The following LARP4B variants were observed in gnomAD, a reference collection of about 807,000 sequenced individuals.
The protein encoded by LARP4B is la-related protein 4B.
A neutral mutation model predicts 89.8 loss-of-function variants in LARP4B; 12 were observed. The ratio of observed to expected loss-of-function variants is 0.13; its 90% CI spans 0.09 to 0.22. LARP4B has a LOEUF of 0.22. Ranked by LOEUF, LARP4B falls within the 10% of genes least tolerant of loss-of-function variation. LARP4B has a pLI of 1.00. For synonymous variants in LARP4B, 367 were observed against 363.3 expected (o/e 1.01, Z -0.12); for missense variants, 757 against 947.7 (o/e 0.80, Z 2.64).
intron 1 of LARP4B, among the ~76,000 whole-genome samples, chr10:923,694 A>G (rs955224371): frequency 5.3e-5 from 8 of 152,224 alleles, no homozygotes; most frequent in Admixed American, 3.3e-4. Flanking sequence ...ATATTTTTAA[A>G]AAGAGAATGT....
chr10:832,077 T>G (rs373489752), intron 8 of LARP4B, among the ~76,000 whole-genome samples: 165 of 152,364 alleles, frequency 1.1e-3, no homozygotes, highest in African/African-American at 3.7e-3. Context: ...GGAGTCTCGC[T>G]CTTTCGCCCA....
At chr10:915,583 T>TTG (rs1836795728) in intron 1 of LARP4B, among the ~76,000 whole-genome samples, 7 of 152,272 alleles carry the variant, frequency 4.6e-5, no homozygotes, top group African/African-American at 1.7e-4. Flanking sequence ...GGTGGGTGGA[T>TTG]CACGAGGTCA....
chr10:949,803 C>T, the LARP4B span, among the ~76,000 whole-genome samples: 7 of 152,140 alleles, frequency 4.6e-5, no homozygotes, highest in Admixed American at 1.3e-4. Flanking sequence ...TCTAACTGGA[C>T]TGCACTTTTT....
chr10:920,191 G>A (rs777314409), intron 1 of LARP4B, among the ~76,000 whole-genome samples: 2 of 152,194 alleles, frequency 1.3e-5, no homozygotes, highest in Non-Finnish European at 2.9e-5. Flanking sequence ...ACAGTGCAAC[G>A]GGATGCTGGA....
chr10:973,682 T>C, the LARP4B span, among the ~76,000 whole-genome samples: 1 of 152,186 alleles, frequency 6.6e-6, no homozygotes, highest in Non-Finnish European at 1.5e-5. Flanking sequence ...CCCTGTGCTC[T>C]AGCCACAGCC....
chr10:957,536 T>C, the LARP4B span, among the ~76,000 whole-genome samples: 1 of 152,192 alleles, frequency 6.6e-6, no homozygotes, highest in Non-Finnish European at 1.5e-5. Flanking sequence ...ATGAATTGCT[T>C]ATTTGTCGAT....
At chr10:959,326 G>T in the LARP4B span, among the ~76,000 whole-genome samples, 5 of 147,726 alleles carry the variant, frequency 3.4e-5, no homozygotes, top group African/African-American at 1.0e-4. Context: ...TGCTGGTTCA[G>T]CAATCCCACC....
chr10:822,556 C>T lies in LARP4B; in HGVS notation c.1485-1711G>A, dbSNP rs1832411526. 6.6e-6 allele frequency among the ~76,000 whole-genome samples: 1 copy of T among 152,236 alleles called. No homozygotes were observed. The highest frequency in any genetic ancestry group is 6.5e-5 in the Admixed American group (1 of 15,290). Reference sequence around the variant, plus strand: ...GTAACCCGTGTCAGACCCAGAAGCCCACCTGCAGCCGTAGAACACTGTCAG... The same window carrying T: ...GTAACCCGTGTCAGACCCAGAAGCCTACCTGCAGCCGTAGAACACTGTCAG... On this transcript the variant is annotated intron_variant, in intron 13 of 17. Coordinates refer to ENST00000316157, the MANE Select transcript of LARP4B (RefSeq NM_015155.3). The surrounding 1 kb of genome is among the most constrained non-coding windows in gnomAD (Gnocchi z 4.6).
intron 1 of LARP4B, among the ~76,000 whole-genome samples, chr10:922,170 G>A (rs748584409): frequency 6.6e-6 from 1 of 152,176 alleles, no homozygotes; most frequent in Admixed American, 6.5e-5. Context: ...AGGAGCATGC[G>A]ACCTAGATCC....
chr10:918,023 A>T (rs761336927), intron 1 of LARP4B, among the ~76,000 whole-genome samples: 1 of 152,222 alleles, frequency 6.6e-6, no homozygotes, highest in Non-Finnish European at 1.5e-5. Flanking sequence ...GTTTTCCTAC[A>T]ATTTGGATTG....
chr10:915,289 G>GA (rs1410359639), intron 1 of LARP4B, among the ~76,000 whole-genome samples: 2 of 148,906 alleles, frequency 1.3e-5, no homozygotes, highest in African/African-American at 2.5e-5. Context: ...GTCTCCAGGG[G>GA]AAAAAAAAAT....
At chr10:830,428 A>G (rs946223117) in intron 9 of LARP4B, among the ~76,000 whole-genome samples, 5 of 152,198 alleles carry the variant, frequency 3.3e-5, no homozygotes, top group Admixed American at 2.6e-4. Flanking sequence ...TTCCTCACAA[A>G]TAAGATGCTT....
intron 3 of LARP4B, among the ~76,000 whole-genome samples, chr10:869,823 C>T (rs1055095242): frequency 6.6e-6 from 1 of 151,438 alleles, no homozygotes; most frequent in Non-Finnish European, 1.5e-5. Flanking sequence ...ATCACTTGAA[C>T]TTGGGAGGTG....
rs1327494982 is a variant in LARP4B, at chr10:814,240, G to A, written c.1929+502C>T. ...AAGGCTCCCCCAAGATCAAACTACA[G>A]AGGCCACAACTCAGAGTAAGAGAGG... is the stretch of plus-strand genomic sequence containing the variant. On this transcript the variant is annotated intron_variant, in intron 17 of 17. Coordinates refer to ENST00000316157, the MANE Select transcript of LARP4B (RefSeq NM_015155.3). The surrounding 1 kb of genome is among the most constrained non-coding windows in gnomAD (Gnocchi z 4.4). Among the ~76,000 whole-genome samples, 1 of 152,090 alleles carries A rather than the reference G, an allele frequency of 6.6e-6. No homozygotes were observed. The highest frequency in any genetic ancestry group is 2.1e-4 in the South Asian group (1 of 4,824).
chr10:910,908 G>A (rs575938634), intron 1 of LARP4B, among the ~76,000 whole-genome samples: 2 of 152,332 alleles, frequency 1.3e-5, no homozygotes, highest in East Asian at 1.9e-4. Context: ...CCCGTACCCT[G>A]CTTGAGCACT....
chr10:908,391 A>G (rs541754837), intron 1 of LARP4B, among the ~76,000 whole-genome samples: 1 of 152,198 alleles, frequency 6.6e-6, no homozygotes, highest in Non-Finnish European at 1.5e-5. Context: ...ACCAGGAAAC[A>G]TGTTTTCCTT....
intron 1 of LARP4B, chr10:903,546 T>C (rs1453335342): frequency 1.3e-5 from 2 of 152,212 alleles, no homozygotes; most frequent in Admixed American, 6.5e-5. Context: ...AAAATGCTGA[T>C]GGACAAACGT....
chr10:949,312 C>T, the LARP4B span, among the ~76,000 whole-genome samples: 1 of 151,324 alleles, frequency 6.6e-6, no homozygotes, highest in Non-Finnish European at 1.5e-5. Flanking sequence ...ATCCCACCAG[C>T]CCCGCGTGAG....
At chr10:949,810 T>C in the LARP4B span, among the ~76,000 whole-genome samples, 18 of 152,130 alleles carry the variant, frequency 1.2e-4, no homozygotes, top group Admixed American at 4.6e-4. Flanking sequence ...GGACTGCACT[T>C]TTTTTTTCTT....
Sources: allele counts gnomAD v4.1 joint callset (sites outside exome capture counted in the v4.1 genomes callset), GRCh38; gene constraint gnomAD v4.1.1; non-coding constraint Gnocchi (gnomAD v3.1); transcripts MANE v1.5; gene names NCBI Gene and HGNC (gene_info 2026-07-23, HGNC 2026-07-21).